Variants in ZDHHC3 observed in about 807,000 individuals in gnomAD.
ZDHHC3 encodes the protein palmitoyltransferase ZDHHC3.
In ZDHHC3, 9 loss-of-function variants were observed where a neutral mutation model predicts 30.6. That is an observed-to-expected ratio of 0.29 (90% CI 0.18 to 0.51). The LOEUF (loss-of-function observed/expected upper bound fraction) is 0.51. ZDHHC3 is among the 20% of genes least tolerant of loss of function. ZDHHC3 has a pLI of 0.97. For missense variants in ZDHHC3, 246 were observed against 384.2 expected, an observed-to-expected ratio of 0.64 and a Z score of 3.01; for synonymous variants, 136 against 140.2, an observed-to-expected ratio of 0.97 and a Z score of 0.21.
At position 44,933,918 on chromosome 3, in the gene ZDHHC3, C is replaced by T; in HGVS notation, c.498G>A (p.Glu166=). The change falls in exon 4 of 7, where the codon GAG becomes GAA. Residue 166 remains glutamate, a synonymous_variant. Coordinates refer to ENST00000424952, the MANE Select transcript of ZDHHC3 (RefSeq NM_001135179.2). ...ACAGGACGAAGTACTTCTGGTTGTT[C>T]TCGCCTACACAGTTGTTGACCCAGG... ...HCPWVNNCVG[E]NNQKYFVLFT... is the part of the protein sequence containing the mutation. The T allele has an allele frequency of 6.2e-7, 1 of 1,614,188 alleles. No homozygotes were observed. Among genetic ancestry groups the T allele is most frequent in the Non-Finnish European group, 8.5e-7 (1 of 1,180,044 alleles).
intron 1 of ZDHHC3, among the ~76,000 whole-genome samples, chr3:44,973,488 C>T (rs531358294): frequency 4.6e-5 from 7 of 151,996 alleles, no homozygotes; most frequent in Non-Finnish European, 8.8e-5. Flanking sequence ...GATGGAGTTT[C>T]GCTCTTGTTG....
intron 6 of ZDHHC3, among the ~76,000 whole-genome samples, chr3:44,928,097 T>A (rs1701158110): frequency 6.6e-6 from 1 of 152,238 alleles, no homozygotes; most frequent in Admixed American, 6.5e-5. Flanking sequence ...AGAATCCCCA[T>A]CGGGTTCCCC....
At chr3:44,967,884 A>C (rs1265263560) in intron 1 of ZDHHC3, among the ~76,000 whole-genome samples, 1 of 152,236 alleles carries the variant, frequency 6.6e-6, no homozygotes, top group African/African-American at 2.4e-5. Context: ...GGCTACAGCA[A>C]TGGAGATGGG....
At position 44,915,971 on chromosome 3, in the gene ZDHHC3, A is replaced by T. The variant is rs1441801775; in HGVS notation, c.*10718T>A. On this transcript the variant is annotated 3_prime_UTR_variant, in exon 7 of 7. Transcript: ENST00000424952. ...TAGGACAACAAATAGGGGGCCCTAC[A>T]GTCAGAGCAGCTCTTACCCAAAGTG... 3 of 152,216 alleles carry T rather than the reference A, an allele frequency of 2.0e-5. No individual in the cohort carries two copies. Among genetic ancestry groups the T allele is most frequent in the African/African-American group, 4.8e-5 (2 of 41,454 alleles). The allele number at this position is 152,216 out of a possible 1,614,324, so 9.4% of individuals were successfully genotyped here. A position where few individuals can be genotyped will look rare whatever the true frequency, so the allele number is the denominator to read the frequency against.
chr3:44,923,115 G>A lies in ZDHHC3; in HGVS notation c.*3574C>T, dbSNP rs1277039351. On this transcript the variant is annotated 3_prime_UTR_variant, in exon 7 of 7. Transcript: ENST00000424952. ...TTTTGAGACGGAGTCTCACTCTGTC[G>A]CCCAGGCTGGAGTGCAGTGGTGCGA... 2.1e-5 allele frequency: 20 copies of A among 971,834 alleles called. No individual in the cohort carries two copies. The highest frequency in any genetic ancestry group is 3.7e-5 in the African/African-American group (2 of 54,194). The allele number at this position is 971,834 out of a possible 1,614,324, so 60.2% of individuals were successfully genotyped here.
intron 2 of ZDHHC3, chr3:44,958,776 G>T (rs1173249839): frequency 1.3e-5 from 14 of 1,107,894 alleles, no homozygotes; most frequent in Non-Finnish European, 1.8e-5. Context: ...CCTCCAGCAT[G>T]CTTTCTGCTC....
intron 1 of ZDHHC3, among the ~76,000 whole-genome samples, chr3:44,961,733 G>A (rs909715072): frequency 2.0e-5 from 3 of 152,190 alleles, no homozygotes; most frequent in East Asian, 1.9e-4. Context: ...ACAACCTCCA[G>A]TTGCAAGCAT....
chr3:44,954,646 C>T (rs79035215), intron 2 of ZDHHC3, among the ~76,000 whole-genome samples: 2,861 of 152,116 alleles, frequency 0.019, 49 homozygotes, highest in Middle Eastern at 0.085. Flanking sequence ...AGTTAATAAA[C>T]GATAAGATCC....
chr3:44,970,782 T>C (rs544204810), intron 1 of ZDHHC3, among the ~76,000 whole-genome samples: 1 of 152,328 alleles, frequency 6.6e-6, no homozygotes, highest in South Asian at 2.1e-4. Context: ...GAAAAAGCAC[T>C]AGCAAAATAT....
intron 5 of ZDHHC3, chr3:44,932,779 AG>A: frequency 2.5e-6 from 2 of 813,940 alleles, no homozygotes; most frequent in Non-Finnish European, 4.1e-6. Flanking sequence ...ATGGAAAGAC[AG>A]AAAACAAAAC....
At chr3:44,943,312 C>T (rs1404178031) in intron 3 of ZDHHC3, among the ~76,000 whole-genome samples, 1 of 152,222 alleles carries the variant, frequency 6.6e-6, no homozygotes, top group Non-Finnish European at 1.5e-5. Flanking sequence ...GACCGTGGAG[C>T]ACTCAACCCC....
Position 44,924,275 on chromosome 3 carries a change from G to A in ZDHHC3, c.*2414C>T, listed in dbSNP as rs1257223397. ...TCCTGTCCTGTGTGGAAGCCAGGCT[G>A]GGAACCAATCACTACCCTGCAAATG... On this transcript the variant is annotated 3_prime_UTR_variant, in exon 7 of 7. Transcript: ENST00000424952. 1.0e-6 allele frequency: 1 copy of A among 985,312 alleles called. No individual in the cohort carries two copies. Among genetic ancestry groups the A allele is most frequent in the African/African-American group, 1.7e-5 (1 of 57,234 alleles). The allele number at this position is 985,312 out of a possible 1,614,324, so 61.0% of individuals were successfully genotyped here.
At chr3:44,938,300 T>C in intron 3 of ZDHHC3, 1 of 177,146 alleles carries the variant, frequency 5.6e-6, no homozygotes, top group East Asian at 1.7e-4. Context: ...AAATACCACC[T>C]TTGATGAGAT....
chr3:44,946,073 G>A (rs995676305), intron 2 of ZDHHC3, among the ~76,000 whole-genome samples: 3 of 152,142 alleles, frequency 2.0e-5, no homozygotes, highest in African/African-American at 4.8e-5. Context: ...AGTTTCCCCA[G>A]ATCAAAATTT....
chr3:44,930,652 G>A (rs1701411477), intron 5 of ZDHHC3, among the ~76,000 whole-genome samples: 1 of 152,250 alleles, frequency 6.6e-6, no homozygotes, highest in Non-Finnish European at 1.5e-5. Flanking sequence ...GTGGGAATGA[G>A]CTTGGAAAGA....
intron 3 of ZDHHC3, among the ~76,000 whole-genome samples, chr3:44,935,767 G>T (rs1701908227): frequency 2.0e-5 from 3 of 152,162 alleles, no homozygotes; most frequent in African/African-American, 7.2e-5. Context: ...ATGGGGAAAA[G>T]ACTCCCTATT....
chr3:44,964,129 G>A (rs565530162), intron 1 of ZDHHC3, among the ~76,000 whole-genome samples: 1 of 152,234 alleles, frequency 6.6e-6, no homozygotes, highest in Admixed American at 6.5e-5. Context: ...CTGAGTGACT[G>A]GTCACATATA....
At position 44,924,901 on chromosome 3, in the gene ZDHHC3, T is replaced by C. The variant is rs1287221040; in HGVS notation, c.*1788A>G. The C allele has an allele frequency of 1.0e-6, 1 of 985,326 alleles. No individual in the cohort carries two copies. Among genetic ancestry groups the C allele is most frequent in the East Asian group, 1.1e-4 (1 of 8,824 alleles). 61.0% of individuals were successfully genotyped at this position (985,326 alleles called of 1,614,324 possible). On this transcript the variant is annotated 3_prime_UTR_variant, in exon 7 of 7. Coordinates refer to ENST00000424952, the MANE Select transcript of ZDHHC3 (RefSeq NM_001135179.2). ...CATGAATAGCACCGTAGACACGAGG[T>C]AAAGTTAACTGACTCAGGAAAGCTC...
rs183847931 is a variant in ZDHHC3, at chr3:44,934,749, G to C, written c.432-765C>G. ...TCTACTAAAAATACAAGAATTAGCT[G>C]GGTGTGGTGGTGCATGCCTGTAATC... On this transcript the variant is annotated intron_variant, in intron 3 of 6. Transcript: ENST00000424952. Among the ~76,000 whole-genome samples the C allele has an allele frequency of 3.7e-4, 56 of 151,972 alleles. 1 individual carries two copies. Among genetic ancestry groups the C allele is most frequent in the African/African-American group, 1.2e-3 (50 of 41,474 alleles).
Sources: allele counts gnomAD v4.1 joint callset (sites outside exome capture counted in the v4.1 genomes callset), GRCh38; gene constraint gnomAD v4.1.1; transcripts MANE v1.5; gene names NCBI Gene and HGNC (gene_info 2026-07-23, HGNC 2026-07-21).